The following SLC67A1 variants were observed in gnomAD, a reference collection of about 807,000 sequenced individuals.
SLC67A1 encodes solute carrier family 67 member A1.
At chr11:2,922,285 C>A in the SLC67A1 span, 19 of 1,504,330 alleles carry the variant, frequency 1.3e-5, no homozygotes, top group East Asian at 3.6e-4. Flanking sequence ...TGTGCTTAAG[C>A]CCTTGGGGAC....
the SLC67A1 span, chr11:2,914,647 C>A: frequency 1.0e-6 from 1 of 953,374 alleles, no homozygotes; most frequent in Non-Finnish European, 1.2e-6. Context: ...TTGGTTTACC[C>A]ACCACCGCTC....
At chr11:2,912,394 G>A in the SLC67A1 span, among the ~76,000 whole-genome samples, 353 of 152,372 alleles carry the variant, frequency 2.3e-3, no homozygotes, top group African/African-American at 8.2e-3. Flanking sequence ...AACGCCTGCA[G>A]CCTGTTCTGG....
At chr11:2,915,743 G>A in the SLC67A1 span, among the ~76,000 whole-genome samples, 4 of 152,228 alleles carry the variant, frequency 2.6e-5, no homozygotes, top group African/African-American at 9.6e-5. Flanking sequence ...GCACAGGCCT[G>A]GAGGCCTTAC....
the SLC67A1 span, chr11:2,903,187 G>T: frequency 1.4e-6 from 2 of 1,479,218 alleles, no homozygotes; most frequent in East Asian, 2.3e-5. Flanking sequence ...TGGGGAGGGG[G>T]TCCTGCAGTG....
At chr11:2,900,692 CAAAAAAAAAAAAA>C in the SLC67A1 span, among the ~76,000 whole-genome samples, 3 of 59,640 alleles carry the variant, frequency 5.0e-5, no homozygotes, top group African/African-American at 6.6e-5. Flanking sequence ...GACTCCGTCT[CAAAAAAAAAAAAA>C]AAAAAAAAAA....
At chr11:2,918,518 A>C in the SLC67A1 span, among the ~76,000 whole-genome samples, 2 of 152,226 alleles carry the variant, frequency 1.3e-5, no homozygotes, top group African/African-American at 4.8e-5. Flanking sequence ...GCCACGGACA[A>C]GCCCACGAGC....
the SLC67A1 span, among the ~76,000 whole-genome samples, chr11:2,907,924 T>C: frequency 6.6e-6 from 1 of 152,106 alleles, no homozygotes; most frequent in Non-Finnish European, 1.5e-5. This position sits in a 1 kb window ranked among gnomAD's most constrained non-coding sequence, Gnocchi z 6.7. Context: ...AAGTTTTGAA[T>C]GAATGAAGAC....
chr11:2,919,269 G>A, the SLC67A1 span: 36 of 1,489,806 alleles, frequency 2.4e-5, no homozygotes, highest in Admixed American at 1.3e-4. Flanking sequence ...AGGTCGGGGT[G>A]TGGGGGTACT....
chr11:2,915,083 G>A, the SLC67A1 span: 1 of 985,428 alleles, frequency 1.0e-6, no homozygotes, highest in African/African-American at 1.7e-5. Context: ...GGGGGCAGCA[G>A]CACAGGTGGG....
chr11:2,921,971 C>T, the SLC67A1 span: 15 of 709,546 alleles, frequency 2.1e-5, no homozygotes, highest in Non-Finnish European at 3.6e-5. Context: ...TGCTGAGGGG[C>T]CTTCTCTGCA....
the SLC67A1 span, chr11:2,903,444 C>T: frequency 5.7e-5 from 92 of 1,613,228 alleles, no homozygotes; most frequent in African/African-American, 8.4e-4. Context: ...ACGTGCTGGC[C>T]GCCACAGAAC....
chr11:2,925,022 G>T, the SLC67A1 span: 1 of 1,611,294 alleles, frequency 6.2e-7, no homozygotes, highest in African/African-American at 1.3e-5. The surrounding 1 kb of genome is among the most constrained non-coding windows in gnomAD (Gnocchi z 6.5). Flanking sequence ...ACCATGCTGG[G>T]CCTCTGCGCC....
the SLC67A1 span, among the ~76,000 whole-genome samples, chr11:2,918,321 C>T: frequency 6.6e-6 from 1 of 152,286 alleles, no homozygotes; most frequent in African/African-American, 2.4e-5. Flanking sequence ...GAGGGCCTGG[C>T]TCGCAGCCAT....
chr11:2,922,089 T>TG, the SLC67A1 span: 2 of 1,604,424 alleles, frequency 1.2e-6, no homozygotes, highest in South Asian at 2.2e-5. Flanking sequence ...CTACCCTCTC[T>TG]GTCTGGCTCT....
At chr11:2,924,762 T>C in the SLC67A1 span, among the ~76,000 whole-genome samples, 1 of 150,008 alleles carries the variant, frequency 6.7e-6, no homozygotes, top group African/African-American at 2.5e-5. The surrounding 1 kb of genome is among the most constrained non-coding windows in gnomAD (Gnocchi z 8.6). Flanking sequence ...AACAGACCAG[T>C]GGGTAGAGAG....
the SLC67A1 span, among the ~76,000 whole-genome samples, chr11:2,908,061 TAGG>T: frequency 1.3e-5 from 2 of 152,224 alleles, no homozygotes; most frequent in Admixed American, 6.5e-5. Flanking sequence ...GGCTTCCGCC[TAGG>T]AGAAGAGGAG....
chr11:2,906,268 G>T, the SLC67A1 span, among the ~76,000 whole-genome samples: 1 of 152,314 alleles, frequency 6.6e-6, no homozygotes, highest in South Asian at 2.1e-4. Context: ...TTACACTGTT[G>T]GTGGGACTGT....
At chr11:2,905,107 C>T in the SLC67A1 span, among the ~76,000 whole-genome samples, 4 of 152,152 alleles carry the variant, frequency 2.6e-5, no homozygotes, top group Non-Finnish European at 5.9e-5. Flanking sequence ...GAGTTTGAGA[C>T]GATTTTCGAC....
chr11:2,925,104 C>T, the SLC67A1 span: 64 of 1,613,764 alleles, frequency 4.0e-5, no homozygotes, highest in East Asian at 1.6e-4. The surrounding 1 kb of genome is among the most constrained non-coding windows in gnomAD (Gnocchi z 6.5). Flanking sequence ...TTGGCGTCCC[C>T]GTCTTCGGCC....
Sources: allele counts gnomAD v4.1 joint callset (sites outside exome capture counted in the v4.1 genomes callset), GRCh38; gene constraint gnomAD v4.1.1; non-coding constraint Gnocchi (gnomAD v3.1); transcripts MANE v1.5; gene names NCBI Gene and HGNC (gene_info 2026-07-23, HGNC 2026-07-21).